Variants in SH3RF3 observed in about 807,000 individuals in gnomAD.
The protein encoded by SH3RF3 is E3 ubiquitin-protein ligase SH3RF3.
SH3RF3 carries 29 observed loss-of-function variants against 66.3 expected under a neutral mutation model. That is an observed-to-expected ratio of 0.44 (90% CI 0.33 to 0.60). SH3RF3 has a LOEUF of 0.60. SH3RF3 is among the 20% of genes least tolerant of loss of function. SH3RF3 has a pLI of 0.04. For missense variants in SH3RF3, 1,194 were observed against 1,190.9 expected (o/e 1.00, Z -0.04); for synonymous variants, 583 against 532.0 (o/e 1.10, Z -1.32).
At chr2:109,229,195 G>A (rs1461688260) in intron 1 of SH3RF3, among the ~76,000 whole-genome samples, 1 of 152,156 alleles carries the variant, frequency 6.6e-6, no homozygotes, top group Admixed American at 6.5e-5. Flanking sequence ...GACCAAATAT[G>A]TATTTTTATT....
At chr2:109,389,683 T>A (rs1464971607) in intron 3 of SH3RF3, among the ~76,000 whole-genome samples, 1 of 152,192 alleles carries the variant, frequency 6.6e-6, no homozygotes, top group Non-Finnish European at 1.5e-5. Context: ...CTATTTTGTG[T>A]ATGGCTATTT....
chr2:109,477,300 T>C (rs974868912), intron 8 of SH3RF3, among the ~76,000 whole-genome samples: 1 of 152,174 alleles, frequency 6.6e-6, no homozygotes, highest in Non-Finnish European at 1.5e-5. Context: ...GGCACAGCCT[T>C]CACGCCCAAA....
intron 1 of SH3RF3, among the ~76,000 whole-genome samples, chr2:109,221,218 C>G (rs1679231939): frequency 6.6e-6 from 1 of 152,220 alleles, no homozygotes; most frequent in Admixed American, 6.5e-5. Context: ...TAGTCAGCCT[C>G]TCTTAATTTT....
intron 1 of SH3RF3, among the ~76,000 whole-genome samples, chr2:109,307,366 C>A (rs917104044): frequency 1.3e-5 from 2 of 151,846 alleles, no homozygotes; most frequent in Non-Finnish European, 2.9e-5. Context: ...AATTTGTGGG[C>A]AAGCAGAACG....
chr2:109,168,018 G>A (rs1219985448), intron 1 of SH3RF3, among the ~76,000 whole-genome samples: 1 of 152,172 alleles, frequency 6.6e-6, no homozygotes, highest in Non-Finnish European at 1.5e-5. Flanking sequence ...TGTGGCATGG[G>A]AGGGAAGCCT....
intron 7 of SH3RF3, among the ~76,000 whole-genome samples, chr2:109,440,255 C>T (rs1403004291): frequency 6.6e-6 from 1 of 152,144 alleles, no homozygotes; most frequent in Admixed American, 6.5e-5. Flanking sequence ...CAGCATGCAG[C>T]AGTAGGAGAG....
At chr2:109,201,570 A>G (rs747768189) in intron 1 of SH3RF3, among the ~76,000 whole-genome samples, 9 of 151,906 alleles carry the variant, frequency 5.9e-5, no homozygotes, top group Non-Finnish European at 1.2e-4. Context: ...CTCCTCTTTC[A>G]GTTTTGAGGT....
intron 1 of SH3RF3, among the ~76,000 whole-genome samples, chr2:109,215,210 A>G (rs950566844): frequency 2.0e-5 from 3 of 152,152 alleles, no homozygotes; most frequent in Admixed American, 6.5e-5. Flanking sequence ...ACCTCCCCTC[A>G]TGGTCCCTGC....
chr2:109,298,476 C>T (rs1021923060), intron 1 of SH3RF3, among the ~76,000 whole-genome samples: 17 of 152,058 alleles, frequency 1.1e-4, no homozygotes, highest in African/African-American at 4.1e-4. Context: ...CATTTCTGAG[C>T]CCAGGCTGGG....
intron 8 of SH3RF3, among the ~76,000 whole-genome samples, chr2:109,460,526 G>A (rs1317287081): frequency 6.6e-6 from 1 of 152,182 alleles, no homozygotes; most frequent in Non-Finnish European, 1.5e-5. Flanking sequence ...GGTCCACTGG[G>A]CAATGACAGG....
At chr2:109,263,194 A>G (rs1680402273) in intron 1 of SH3RF3, among the ~76,000 whole-genome samples, 1 of 152,156 alleles carries the variant, frequency 6.6e-6, no homozygotes, top group Admixed American at 6.5e-5. Context: ...ATGTGCATTC[A>G]TACTATCTTT....
chr2:109,170,611 A>G (rs536585344), intron 1 of SH3RF3, among the ~76,000 whole-genome samples: 2 of 152,130 alleles, frequency 1.3e-5, no homozygotes, highest in Non-Finnish European at 2.9e-5. Flanking sequence ...CGGCCACCCA[A>G]AGCGCTGGGA....
chr2:109,447,268 A>T (rs556761809), intron 7 of SH3RF3, among the ~76,000 whole-genome samples: 3 of 151,892 alleles, frequency 2.0e-5, no homozygotes, highest in Middle Eastern at 3.4e-3. Context: ...AGTCCCGGAG[A>T]ATCTGGGATC....
intron 1 of SH3RF3, among the ~76,000 whole-genome samples, chr2:109,325,568 A>C (rs1406333872): frequency 6.6e-6 from 1 of 151,890 alleles, no homozygotes; most frequent in Non-Finnish European, 1.5e-5. Flanking sequence ...AACATCCCTT[A>C]ATATGGCTGC....
intron 1 of SH3RF3, among the ~76,000 whole-genome samples, chr2:109,243,740 G>A (rs1347879043): frequency 2.6e-5 from 4 of 152,230 alleles, no homozygotes; most frequent in Non-Finnish European, 5.9e-5. Context: ...TGTTTTCAGA[G>A]AACCTCGGGG....
chr2:109,320,941 A>G (rs945329530), intron 1 of SH3RF3, among the ~76,000 whole-genome samples: 1 of 152,222 alleles, frequency 6.6e-6, no homozygotes, highest in Non-Finnish European at 1.5e-5. Flanking sequence ...AGTGATGGTA[A>G]TATTGCCATC....
intron 2 of SH3RF3, among the ~76,000 whole-genome samples, chr2:109,360,147 G>T (rs1003429730): frequency 6.6e-6 from 1 of 151,760 alleles, no homozygotes; most frequent in Non-Finnish European, 1.5e-5. Context: ...GCCATTGTTT[G>T]TTGTTGCTGT....
At chr2:109,367,088 G>A (rs892069186) in intron 2 of SH3RF3, among the ~76,000 whole-genome samples, 13 of 150,698 alleles carry the variant, frequency 8.6e-5, no homozygotes, top group Non-Finnish European at 1.8e-4. Flanking sequence ...GAGCAGCTAG[G>A]ATTACAGGCA....
intron 7 of SH3RF3, among the ~76,000 whole-genome samples, chr2:109,445,721 T>C (rs1490760935): frequency 6.6e-6 from 1 of 151,730 alleles, no homozygotes; most frequent in Non-Finnish European, 1.5e-5. Context: ...CCAGAGTCCT[T>C]GTGACTGGAA....
Sources: allele counts gnomAD v4.1 joint callset (sites outside exome capture counted in the v4.1 genomes callset), GRCh38; gene constraint gnomAD v4.1.1; transcripts MANE v1.5; gene names NCBI Gene and HGNC (gene_info 2026-07-23, HGNC 2026-07-21).